RAB11FIP5: variants seen among roughly 807,000 people sequenced by gnomAD.
RAB11FIP5 encodes the protein RAB11 family interacting protein 5, also known as rab11 family-interacting protein 5.
A neutral mutation model predicts 85.1 loss-of-function variants in RAB11FIP5; 48 were observed. The observed-to-expected ratio is 0.56, with a 90% confidence interval of 0.45 to 0.72. The LOEUF is 0.72. RAB11FIP5 is among the 30% of genes least tolerant of loss of function. The pLI is 0.00. For missense variants in RAB11FIP5, 1,491 were observed against 1,687.0 expected (o/e 0.88, Z 2.04); for synonymous variants, 729 against 727.3 (o/e 1.00, Z -0.04).
Position 73,075,264 on chromosome 2 carries a change from G to C in RAB11FIP5, c.*257C>G, listed in dbSNP as rs774287119. On this transcript the variant is annotated 3_prime_UTR_variant, in exon 6 of 6. Coordinates refer to ENST00000486777, the MANE Select transcript of RAB11FIP5 (RefSeq NM_001371272.1). This position sits in a 1 kb window ranked among gnomAD's most constrained non-coding sequence, Gnocchi z 4.6. Reference sequence around the variant, plus strand: ...GTTCCAATTCCCTGGGGCCCCCAAAGCTGAGGGATATGAAAACAGGCAGGT... The same window carrying C: ...GTTCCAATTCCCTGGGGCCCCCAAACCTGAGGGATATGAAAACAGGCAGGT... 4.6e-5 allele frequency: 32 copies of C among 694,976 alleles called. No homozygotes were observed. Among genetic ancestry groups the C allele is most frequent in the Non-Finnish European group, 8.4e-5 (32 of 380,696 alleles). 43.1% of individuals were successfully genotyped at this position (694,976 alleles called of 1,614,324 possible).
chr2:73,096,300 C>A (rs1684318104), intron 1 of RAB11FIP5, among the ~76,000 whole-genome samples: 1 of 152,174 alleles, frequency 6.6e-6, no homozygotes, highest in South Asian at 2.1e-4. Context: ...CTGGGCTAAC[C>A]AATGCCATCC....
Position 73,075,546 on chromosome 2 carries a change from T to C in RAB11FIP5, c.3950A>G (p.Gln1317Arg). ...RIMETSPTLLQIPPGPPK is the reference protein window; with the variant it reads ...RIMETSPTLLRIPPGPPK Reference sequence around the variant, plus strand: ...CTATTTGGGGGGGCCCGGGGGGATCTGCAGCAGCGTGGGTGAGGTCTCCAT... The same window carrying C: ...CTATTTGGGGGGGCCCGGGGGGATCCGCAGCAGCGTGGGTGAGGTCTCCAT... The change falls in exon 6 of 6, where the codon CAG (glutamine) becomes CGG (arginine). Residue 1317 changes from glutamine (Q) to arginine (R), a missense_variant. Around this residue, in one of 3 missense-constraint regions of RAB11FIP5, gnomAD observed 232 missense variants for 259.1 expected, o/e 0.90. Coordinates refer to ENST00000486777, the MANE Select transcript of RAB11FIP5 (RefSeq NM_001371272.1). This position sits in a 1 kb window ranked among gnomAD's most constrained non-coding sequence, Gnocchi z 4.6. The C allele has an allele frequency of 6.2e-7, 1 of 1,614,058 alleles. No individual in the cohort carries two copies. Among genetic ancestry groups the C allele is most frequent in the Non-Finnish European group, 8.5e-7 (1 of 1,179,974 alleles).
At chr2:73,106,060 C>CA (rs1684520893) in intron 1 of RAB11FIP5, among the ~76,000 whole-genome samples, 1 of 151,662 alleles carries the variant, frequency 6.6e-6, no homozygotes, top group Non-Finnish European at 1.5e-5. Context: ...CCCACCCCCT[C>CA]AAAAAAAAGA....
intron 1 of RAB11FIP5, among the ~76,000 whole-genome samples, chr2:73,111,186 G>A (rs961132477): frequency 1.3e-5 from 2 of 152,034 alleles, no homozygotes; most frequent in African/African-American, 4.8e-5. Context: ...CAGAGAGCCA[G>A]CCAGGAAAGT....
At chr2:73,076,861 A>G (rs1278994087) in intron 4 of RAB11FIP5, among the ~76,000 whole-genome samples, 1 of 152,192 alleles carries the variant, frequency 6.6e-6, no homozygotes, top group Non-Finnish European at 1.5e-5. Flanking sequence ...CCATTAGAAC[A>G]GGACGTCGGT....
At chr2:73,104,406 A>G (rs983807155) in intron 1 of RAB11FIP5, among the ~76,000 whole-genome samples, 1 of 152,014 alleles carries the variant, frequency 6.6e-6, no homozygotes, top group Non-Finnish European at 1.5e-5. Flanking sequence ...GGTCTCTACT[A>G]AAAATACAAA....
Position 73,080,498 on chromosome 2 carries a change from T to G in RAB11FIP5, c.2734A>C (p.Arg912=). 1.6e-6 allele frequency: 2 copies of G among 1,233,370 alleles called. No homozygotes were observed. The highest frequency in any genetic ancestry group is 2.0e-6 in the Non-Finnish European group (2 of 988,624). The allele number at this position is 1,233,370 out of a possible 1,614,324, so 76.4% of individuals were successfully genotyped here. The part of the protein sequence containing the change: ...PKPPRLFTPS[R]SQEEEEEKAA... ...TTCTCCTCCTCCTCCTCCTGGGATCTTGAGGGTGTGAAGAGGCGCGGTGGC... is the reference window on the plus strand; with the variant it reads ...TTCTCCTCCTCCTCCTCCTGGGATCGTGAGGGTGTGAAGAGGCGCGGTGGC... The change falls in exon 4 of 6, where the codon AGA becomes CGA. Residue 912 remains arginine (R), a synonymous_variant. Transcript: ENST00000486777.
intron 1 of RAB11FIP5, among the ~76,000 whole-genome samples, chr2:73,098,074 G>C (rs1012231297): frequency 6.6e-6 from 1 of 152,196 alleles, no homozygotes; most frequent in African/African-American, 2.4e-5. Context: ...AAGTGGCTAA[G>C]AGCATGGACT....
Position 73,080,974 on chromosome 2 carries a change from G to A in RAB11FIP5, c.2258C>T (p.Ser753Leu), listed in dbSNP as rs917825309. 2.3e-5 allele frequency: 28 copies of A among 1,232,162 alleles called. No individual in the cohort carries two copies. Among genetic ancestry groups the A allele is most frequent in the Admixed American group, 4.2e-5 (1 of 23,700 alleles). 76.3% of individuals were successfully genotyped at this position (1,232,162 alleles called of 1,614,324 possible). A position where few individuals can be genotyped will look rare whatever the true frequency, so the allele number is the denominator to read the frequency against. ...LGSVGAGLPSSSAQLQLRASG... is the reference protein window; with the variant it reads ...LGSVGAGLPSLSAQLQLRASG... The stretch of plus-strand genomic sequence containing the variant: ...GGCTCTCAGCTGTAGCTGGGCTGAC[G>A]AGGAGGGCAGGCCAGCCCCTACCGA... Residue 753 changes from serine to leucine, a missense_variant, in exon 4 of 6, where the codon TCG becomes TTG. By Grantham distance (145) the Ser-to-Leu change is moderately radical. Coordinates refer to ENST00000486777, the MANE Select transcript of RAB11FIP5 (RefSeq NM_001371272.1).
intron 1 of RAB11FIP5, among the ~76,000 whole-genome samples, chr2:73,090,173 G>A (rs10174548): frequency 0.29 from 43,671 of 151,998 alleles, 8,124 homozygotes; most frequent in East Asian, 0.55. Context: ...GAACCCATCC[G>A]TGGAGACTCA....
chr2:73,079,826 T>C lies in RAB11FIP5; in HGVS notation c.3406A>G (p.Thr1136Ala). The C allele has an allele frequency of 8.1e-7, 1 of 1,231,174 alleles. No individual in the cohort carries two copies. The highest frequency in any genetic ancestry group is 1.0e-6 in the Non-Finnish European group (1 of 987,806). The allele number at this position is 1,231,174 out of a possible 1,614,324, so 76.3% of individuals were successfully genotyped here. The change falls in exon 4 of 6, where the codon ACC becomes GCC. Residue 1136 changes from threonine to alanine, a missense_variant. This residue lies in a region of RAB11FIP5 where 232 missense variants were observed against 259.1 expected (regional missense o/e 0.90). Coordinates refer to ENST00000486777, the MANE Select transcript of RAB11FIP5 (RefSeq NM_001371272.1). Reference sequence around the variant, plus strand: ...GGCTCCCCTGGTGGTGCAGAGGAGGTAGTCAGGGGCCAGGCTTCAGACAGG... The same window carrying C: ...GGCTCCCCTGGTGGTGCAGAGGAGGCAGTCAGGGGCCAGGCTTCAGACAGG... ...SPLSEAWPLT[T>A]SSAPPGEPAL...
rs760277863 is a variant in RAB11FIP5, at chr2:73,088,318, C to T, written c.1300G>A (p.Val434Ile). The T allele has an allele frequency of 2.5e-6, 4 of 1,613,722 alleles. No homozygotes were observed. In the South Asian group the frequency reaches 4.4e-5, roughly 18 times the overall value. Residue 434 changes from valine to isoleucine, a missense_variant, in exon 3 of 6, where the codon GTC becomes ATC. Coordinates refer to ENST00000486777, the MANE Select transcript of RAB11FIP5 (RefSeq NM_001371272.1). ...EGARLPEGKP[V>I]QVATPIVASS... ...GCCACTATGGGTGTGGCAACCTGGA[C>T]TGGCTTGCCCTCTGGTAGCCGGGCC... is the stretch of plus-strand genomic sequence containing the variant.
chr2:73,085,456 C>T (rs1238507742), intron 3 of RAB11FIP5, among the ~76,000 whole-genome samples: 4 of 152,200 alleles, frequency 2.6e-5, no homozygotes, highest in South Asian at 2.1e-4. Flanking sequence ...TTGGCCCTGG[C>T]GGGTTTAAAA....
Position 73,088,594 on chromosome 2 carries a change from G to T in RAB11FIP5, c.1024C>A (p.His342Asn). The change falls in exon 3 of 6, where the codon CAC (histidine) becomes AAC (asparagine). Residue 342 changes from histidine to asparagine, a missense_variant. Physicochemically the swap from His to Asn is moderately conservative, Grantham distance 68. This residue lies in a region of RAB11FIP5 where 1,211 missense variants were observed against 1,338.0 expected (regional missense o/e 0.91). Transcript: ENST00000486777. The part of the protein sequence containing the change: ...SRSSLCVNGS[H>N]IYNEEPQGPV... ...CCCTGGGGCTCCTCATTGTAAATGT[G>T]GCTCCCATTGACACAGAGCGAAGAG... The T allele has an allele frequency of 1.2e-6, 2 of 1,613,664 alleles. No individual in the cohort carries two copies. Among genetic ancestry groups the T allele is most frequent in the Non-Finnish European group, 1.7e-6 (2 of 1,180,038 alleles).
At position 73,078,785 on chromosome 2, in the gene RAB11FIP5, G is replaced by A. The variant is rs1035865840; in HGVS notation, c.3581+866C>T. 3.9e-5 allele frequency among the ~76,000 whole-genome samples: 6 copies of A among 152,120 alleles called. No individual in the cohort carries two copies. The highest frequency in any genetic ancestry group is 2.1e-4 in the South Asian group (1 of 4,828). On this transcript the variant is annotated intron_variant, in intron 4 of 5. Coordinates refer to ENST00000486777, the MANE Select transcript of RAB11FIP5 (RefSeq NM_001371272.1). The surrounding 1 kb of genome is among the most constrained non-coding windows in gnomAD (Gnocchi z 4.4). ...CACTCGGTCCTCCTAGAGCGCTATC[G>A]TCCCAGAGGGACTTGCTGCCTTCTA...
rs1457882812 is a variant in RAB11FIP5 at position 73,086,112 on chromosome 2, T to C, written c.1568+1938A>G. 6.6e-6 allele frequency among the ~76,000 whole-genome samples: 1 copy of C among 152,164 alleles called. No individual in the cohort carries two copies. Among genetic ancestry groups the C allele is most frequent in the African/African-American group, 2.4e-5 (1 of 41,428 alleles). The stretch of plus-strand genomic sequence containing the variant: ...GCACACAAGGCCAGGATGCTGCTGA[T>C]TGAGCTCAAAGGCCAGGTGTCACAT... On this transcript the variant is annotated intron_variant, in intron 3 of 5. Transcript: ENST00000486777. This position sits in a 1 kb window ranked among gnomAD's most constrained non-coding sequence, Gnocchi z 4.4.
At chr2:73,090,446 A>T (rs546455257) in intron 1 of RAB11FIP5, among the ~76,000 whole-genome samples, 1 of 152,366 alleles carries the variant, frequency 6.6e-6, no homozygotes, top group East Asian at 1.9e-4. Flanking sequence ...CACCCTGCAC[A>T]CAAATGTTTA....
Position 73,081,460 on chromosome 2 carries a change from C to A in RAB11FIP5, c.1772G>T (p.Gly591Val). The A allele has an allele frequency of 1.4e-5, 17 of 1,233,962 alleles. No homozygotes were observed. The highest frequency in any genetic ancestry group is 1.7e-5 in the Non-Finnish European group (17 of 989,112). The allele number at this position is 1,233,962 out of a possible 1,614,324, so 76.4% of individuals were successfully genotyped here. The stretch of plus-strand genomic sequence containing the variant: ...GAACGGGTTGGTAAGACCCAATAAT[C>A]CAGGTGGGGTGGCTTCAGGGGCGGC... The part of the protein sequence containing the change: ...TTAAPEATPP[G>V]LLGLTNPFLT... Residue 591 changes from glycine to valine, a missense_variant, in exon 4 of 6, where the codon GGA (glycine) becomes GTA (valine). Around this residue, in one of 3 missense-constraint regions of RAB11FIP5, gnomAD observed 1,211 missense variants for 1,338.0 expected, o/e 0.91. Coordinates refer to ENST00000486777, the MANE Select transcript of RAB11FIP5 (RefSeq NM_001371272.1). The surrounding 1 kb of genome is among the most constrained non-coding windows in gnomAD (Gnocchi z 4.2).
Position 73,112,442 on chromosome 2 carries a change from G to A in RAB11FIP5, c.336C>T (p.Thr112=), listed in dbSNP as rs1375769802. 1 of 1,562,376 alleles carries A rather than the reference G, an allele frequency of 6.4e-7. No individual in the cohort carries two copies. The highest frequency in any genetic ancestry group is 8.6e-7 in the Non-Finnish European group (1 of 1,161,680). Residue 112 remains threonine (T), a synonymous_variant, in exon 1 of 6, where the codon ACC becomes ACT. Coordinates refer to ENST00000486777, the MANE Select transcript of RAB11FIP5 (RefSeq NM_001371272.1). ...SAAACELVLT[T]MHRSLIGVDK... is the part of the protein sequence containing the mutation. ...CGACGCCGATGAGCGAGCGGTGCAT[G>A]GTGGTGAGCACCAGCTCGCAGGCGG...
Sources: gnomAD v4.1 joint callset for allele counts (sites outside exome capture counted in the v4.1 genomes callset) on GRCh38, gnomAD v4.1.1 for gene constraint, gnomAD v4.1.1 regional missense constraint, Gnocchi (gnomAD v3.1) non-coding constraint, MANE v1.5 for transcripts, NCBI Gene and HGNC (gene_info 2026-07-23, HGNC 2026-07-21) for gene names.